PPP2R2C: variants seen among roughly 807,000 people sequenced by gnomAD.
PPP2R2C encodes the protein protein phosphatase 2 regulatory subunit Bgamma, also known as protein phosphatase 2, regulatory subunit B, gamma.
In PPP2R2C, 10 loss-of-function variants were observed where a neutral mutation model predicts 45.3. That is an observed-to-expected ratio of 0.22 (90% CI 0.14 to 0.37). The LOEUF is 0.37. Among genes scored for constraint, PPP2R2C ranks in the 10% least tolerant of loss-of-function variants. The pLI, the probability that PPP2R2C is intolerant of heterozygous loss-of-function variation, is 1.00. For missense variants in PPP2R2C, 308 were observed against 619.7 expected (o/e 0.50, Z 5.34); for synonymous variants, 257 against 245.4 (o/e 1.05, Z -0.44).
chr4:6,527,031 G>A (rs1724230164), intron 2 of PPP2R2C, among the ~76,000 whole-genome samples: 1 of 152,280 alleles, frequency 6.6e-6, no homozygotes, highest in South Asian at 2.1e-4. Context: ...TCAATGCGGA[G>A]GAGAAGGAGC....
intron 1 of PPP2R2C, among the ~76,000 whole-genome samples, chr4:6,437,764 T>C (rs2109421300): frequency 6.6e-6 from 1 of 152,354 alleles, no homozygotes; most frequent in South Asian, 2.1e-4. Flanking sequence ...AAGAAATCTT[T>C]GTCCCCACAA....
rs566717008 is a variant in PPP2R2C, at chr4:6,530,578, TAAC to T, written c.49+4690_49+4692del. ...CAACTGAACCTGCCCGCTGTCCGGG[TAAC>T]AACATGACAGCAGGGTGTGACTCTG... On this transcript the variant is annotated intron_variant, in intron 2 of 9. Coordinates refer to the PPP2R2C transcript ENST00000506140. 5.9e-3 allele frequency among the ~76,000 whole-genome samples: 891 copies of T among 152,184 alleles called. 12 individuals are homozygous for T. Among genetic ancestry groups the T allele is most frequent in the African/African-American group, 0.02 (849 of 41,498 alleles).
chr4:6,535,612 C>G (rs539979383), intron 1 of PPP2R2C, among the ~76,000 whole-genome samples: 73 of 152,362 alleles, frequency 4.8e-4, no homozygotes, highest in Non-Finnish European at 7.8e-4. Context: ...CCACCTTCCC[C>G]TCGGGCTATT....
At chr4:6,414,980 C>T (rs1285107940) in intron 1 of PPP2R2C, among the ~76,000 whole-genome samples, 2 of 152,234 alleles carry the variant, frequency 1.3e-5, no homozygotes, top group African/African-American at 4.8e-5. Context: ...AACCCAGGTT[C>T]CACAGAAGAG....
chr4:6,477,299 A>C (rs575677357), upstream of PPP2R2C, among the ~76,000 whole-genome samples: 3 of 152,158 alleles, frequency 2.0e-5, no homozygotes, highest in Non-Finnish European at 4.4e-5. Context: ...GTTTAGCTTT[A>C]GTCATGGACG....
intron 1 of PPP2R2C, 33 bp downstream of exon 1, chr4:6,472,127 G>T: frequency 1.2e-6 from 2 of 1,612,770 alleles, no homozygotes; most frequent in Non-Finnish European, 1.7e-6. Flanking sequence ...CGCCGCGGCC[G>T]GCCGGAGGGG....
intron 1 of PPP2R2C, among the ~76,000 whole-genome samples, chr4:6,397,453 G>C (rs1381618676): frequency 7.0e-6 from 1 of 143,096 alleles, no homozygotes; most frequent in Non-Finnish European, 1.6e-5. Flanking sequence ...TGCAGGGTGA[G>C]GGAACAGAGG....
chr4:6,488,464 A>C (rs1198111269), intron 2 of PPP2R2C, among the ~76,000 whole-genome samples: 2 of 152,078 alleles, frequency 1.3e-5, no homozygotes, highest in Non-Finnish European at 2.9e-5. Context: ...TGGGAGGATC[A>C]CTTGAGCCCA....
intron 2 of PPP2R2C, among the ~76,000 whole-genome samples, chr4:6,529,723 AG>A (rs1049916146): frequency 6.6e-6 from 1 of 152,190 alleles, no homozygotes; most frequent in African/African-American, 2.4e-5. Flanking sequence ...CGTGAGCCCT[AG>A]GTCTGCTTTG....
At chr4:6,339,020 A>T (rs1439405618) in intron 6 of PPP2R2C, among the ~76,000 whole-genome samples, 1 of 152,080 alleles carries the variant, frequency 6.6e-6, no homozygotes, top group African/African-American at 2.4e-5. Flanking sequence ...TCCTGGAGTT[A>T]TTTTTCACAT....
At chr4:6,459,825 G>T (rs142526501) in intron 1 of PPP2R2C, among the ~76,000 whole-genome samples, 90 of 152,188 alleles carry the variant, frequency 5.9e-4, no homozygotes, top group Admixed American at 2.0e-3. Context: ...CATAATATTG[G>T]CAAATATTAA....
At chr4:6,459,352 A>G (rs571921939) in intron 1 of PPP2R2C, among the ~76,000 whole-genome samples, 82 of 152,304 alleles carry the variant, frequency 5.4e-4, no homozygotes, top group African/African-American at 1.7e-3. Flanking sequence ...GCAGAAGCAC[A>G]TGACCTATTT....
intron 2 of PPP2R2C, among the ~76,000 whole-genome samples, chr4:6,518,003 C>T (rs1410422722): frequency 6.6e-6 from 1 of 152,158 alleles, no homozygotes; most frequent in Non-Finnish European, 1.5e-5. Flanking sequence ...AGCAAAAACC[C>T]CACCTGACAG....
intron 1 of PPP2R2C, among the ~76,000 whole-genome samples, chr4:6,469,683 C>T (rs1466747652): frequency 6.6e-6 from 1 of 152,188 alleles, no homozygotes; most frequent in Non-Finnish European, 1.5e-5. Flanking sequence ...CAAGGCTGCA[C>T]AGCAGTCAGG....
chr4:6,454,081 G>C (rs1011146420), intron 1 of PPP2R2C, among the ~76,000 whole-genome samples: 15 of 152,212 alleles, frequency 9.9e-5, no homozygotes, highest in Admixed American at 2.6e-4. Context: ...CATGGAGAGA[G>C]GGACCCGTTC....
At chr4:6,429,650 A>C (rs1205206439) in intron 1 of PPP2R2C, among the ~76,000 whole-genome samples, 1 of 152,134 alleles carries the variant, frequency 6.6e-6, no homozygotes, top group Non-Finnish European at 1.5e-5. Flanking sequence ...TGTTGTCTGT[A>C]ATAAGAAAGC....
intron 1 of PPP2R2C, among the ~76,000 whole-genome samples, chr4:6,424,809 C>G (rs914888344): frequency 1.3e-5 from 2 of 152,310 alleles, no homozygotes; most frequent in Non-Finnish European, 2.9e-5. Flanking sequence ...GGACACGTCA[C>G]CTCACTGCTC....
chr4:6,379,704 T>C (rs1387407478), intron 2 of PPP2R2C, among the ~76,000 whole-genome samples: 1 of 152,200 alleles, frequency 6.6e-6, no homozygotes, highest in African/African-American at 2.4e-5. Flanking sequence ...AGTGCTGTGT[T>C]TGAGGAACTG....
At chr4:6,429,580 C>T (rs2109407079) in intron 1 of PPP2R2C, among the ~76,000 whole-genome samples, 1 of 152,252 alleles carries the variant, frequency 6.6e-6, no homozygotes, top group South Asian at 2.1e-4. Context: ...CACGAGACCC[C>T]CTCAGTCTCG....
Sources: allele counts gnomAD v4.1 joint callset (sites outside exome capture counted in the v4.1 genomes callset), GRCh38; gene constraint gnomAD v4.1.1; transcripts MANE v1.5; gene names NCBI Gene and HGNC (gene_info 2026-07-23, HGNC 2026-07-21).